Variants in TMEM182 observed in about 807,000 individuals in gnomAD.
TMEM182 encodes transmembrane protein 182.
TMEM182 carries 20 observed loss-of-function variants against 26.8 expected under a neutral mutation model. The ratio of observed to expected loss-of-function variants is 0.75; its 90% confidence interval spans 0.53 to 1.09. The LOEUF (loss-of-function observed/expected upper bound fraction) is 1.09, where lower values mean the gene tolerates loss of function less well. Among genes scored for constraint, TMEM182 ranks in the 50% least tolerant of loss-of-function variants. TMEM182 has a pLI of 0.00. For missense variants in TMEM182, 277 were observed against 275.5 expected (o/e 1.01, Z -0.04); for synonymous variants, 109 against 102.2 (o/e 1.07, Z -0.40).
chr2:102,792,249 T>C (rs1447761953), intron 3 of TMEM182, among the ~76,000 whole-genome samples: 1 of 152,130 alleles, frequency 6.6e-6, no homozygotes, highest in Non-Finnish European at 1.5e-5. Context: ...GACCATTTTA[T>C]TACAAGGTGT....
At chr2:102,757,982 C>T (rs1312100111), upstream of TMEM182, among the ~76,000 whole-genome samples, 1 of 152,166 alleles carries the variant, frequency 6.6e-6, no homozygotes, top group Non-Finnish European at 1.5e-5. Context: ...GGAAATCCAT[C>T]CCCATAATCC....
chr2:102,780,794 G>A (rs183678198), intron 3 of TMEM182, among the ~76,000 whole-genome samples: 149 of 152,110 alleles, frequency 9.8e-4, no homozygotes, highest in Non-Finnish European at 1.8e-3. Context: ...TGCTTGTAGC[G>A]GTGGGACTGC....
intron 4 of TMEM182, among the ~76,000 whole-genome samples, chr2:102,808,796 T>G (rs1175486594): frequency 6.6e-6 from 1 of 152,178 alleles, no homozygotes; most frequent in Non-Finnish European, 1.5e-5. Flanking sequence ...GAATGCATTC[T>G]CAGGCATTAT....
At chr2:102,841,625 A>G (rs1367620480) in intron 3 of TMEM182, among the ~76,000 whole-genome samples, 1 of 152,226 alleles carries the variant, frequency 6.6e-6, no homozygotes, top group Non-Finnish European at 1.5e-5. Context: ...CTTTGAACTA[A>G]GTTCACCAGA....
At chr2:102,827,549 T>C (rs1455545594) in intron 3 of TMEM182, among the ~76,000 whole-genome samples, 2 of 152,200 alleles carry the variant, frequency 1.3e-5, no homozygotes, top group Non-Finnish European at 2.9e-5. Context: ...TGCTGTCTTC[T>C]CCTTTCTTTC....
intron 3 of TMEM182, among the ~76,000 whole-genome samples, chr2:102,764,959 A>G (rs1680368019): frequency 2.0e-5 from 3 of 152,036 alleles, no homozygotes; most frequent in South Asian, 2.1e-4. Context: ...TTAACTTAAA[A>G]TCACATTAAG....
intron 3 of TMEM182, among the ~76,000 whole-genome samples, chr2:102,767,646 C>T (rs192550880): frequency 4.6e-5 from 7 of 152,190 alleles, no homozygotes; most frequent in Admixed American, 1.3e-4. Flanking sequence ...TTTATTTGAG[C>T]TCTCCAAAGC....
intron 3 of TMEM182, among the ~76,000 whole-genome samples, chr2:102,766,217 T>G (rs1417747459): frequency 6.6e-6 from 1 of 152,156 alleles, no homozygotes; most frequent in Non-Finnish European, 1.5e-5. Context: ...GTGGAGAACT[T>G]GAAAAACAAA....
intron 3 of TMEM182, among the ~76,000 whole-genome samples, chr2:102,770,786 C>A (rs1056968177): frequency 3.9e-5 from 6 of 152,284 alleles, no homozygotes; most frequent in Admixed American, 2.6e-4. Context: ...GGTACAGAGT[C>A]CTTATAAAAA....
At position 102,779,352 on chromosome 2, in the gene TMEM182, T is replaced by C. The variant is rs1477469848; in HGVS notation, c.331+14925T>C. On this transcript the variant is annotated intron_variant, in intron 3 of 4. Transcript: ENST00000412401. ...GACTTTGCTTAGCTCCTCAATACTT[T>C]AGATTTATGTCTTTTGATGACTTTG... 3.3e-5 allele frequency among the ~76,000 whole-genome samples: 5 copies of C among 152,208 alleles called. No individual in the cohort carries two copies. In the East Asian group the frequency reaches 5.8e-4, roughly 18 times the overall value.
At chr2:102,781,142 A>G (rs1243568707) in intron 3 of TMEM182, among the ~76,000 whole-genome samples, 2 of 152,204 alleles carry the variant, frequency 1.3e-5, no homozygotes, top group Non-Finnish European at 2.9e-5. Flanking sequence ...AATAGGGTCA[A>G]GTGTGTCTAC....
chr2:102,822,901 G>T lies in TMEM182; in HGVS notation c.326-20511G>T, dbSNP rs187644885. Among the ~76,000 whole-genome samples the T allele has an allele frequency of 1.6e-3, 236 of 148,932 alleles. 1 individual carries two copies. Among genetic ancestry groups the T allele is most frequent in the African/African-American group, 5.9e-3 (227 of 38,558 alleles). ...TTGACAAAAGAAGAAGAAGAAAGAA[G>T]AAAGAAAGAAGAAAGAAGAAGAACC... On this transcript the variant is annotated intron_variant, in intron 3 of 3. Coordinates refer to the TMEM182 transcript ENST00000486293.
In TMEM182 at chr2:102,800,797, TTGTGTGTGTG is replaced by T. The variant is rs71378190; in HGVS notation, c.469+2833_469+2842del. On this transcript the variant is annotated intron_variant, in intron 4 of 4. Transcript: ENST00000412401. ...GGTTTTCGTTCTGGTTTTGGACAGTTTGTGTGTGTGTGTGTGTGTGTGTGTGTGTGTGTGT... is the reference window on the plus strand; with the variant it reads ...GGTTTTCGTTCTGGTTTTGGACAGTTTGTGTGTGTGTGTGTGTGTGTGTGT... Among the ~76,000 whole-genome samples the T allele has an allele frequency of 7.3e-3, 1,011 of 137,846 alleles. 7 individuals carry two copies. Among genetic ancestry groups the T allele is most frequent in the African/African-American group, 0.018 (672 of 37,140 alleles). The allele number at this position is 137,846 out of a possible 152,430, so 90.4% of individuals were successfully genotyped here.
intron 1 of TMEM182, among the ~76,000 whole-genome samples, chr2:102,754,545 T>G (rs1051378464): frequency 3.9e-5 from 6 of 152,256 alleles, no homozygotes; most frequent in African/African-American, 1.4e-4. Flanking sequence ...CCATTCCAGT[T>G]TTCTAGAACA....
chr2:102,796,403 T>C (rs1681869798), intron 3 of TMEM182, among the ~76,000 whole-genome samples: 1 of 152,216 alleles, frequency 6.6e-6, no homozygotes, highest in African/African-American at 2.4e-5. Flanking sequence ...TTGTTGTTAA[T>C]GATTATACCC....
chr2:102,833,831 C>T (rs1288790891), intron 3 of TMEM182, among the ~76,000 whole-genome samples: 4 of 152,174 alleles, frequency 2.6e-5, no homozygotes, highest in Non-Finnish European at 4.4e-5. Context: ...TAGATTGGAG[C>T]CATACATTTT....
intron 1 of TMEM182, 64 bp from the exon 2 acceptor site, chr2:102,762,523 G>T (rs754254177): frequency 6.2e-5 from 97 of 1,560,458 alleles, no homozygotes; most frequent in Non-Finnish European, 8.0e-5. Context: ...AAATTTACTG[G>T]CTGTAATGAT....
At chr2:102,751,829 G>A (rs1679884720) in intron 1 of TMEM182, among the ~76,000 whole-genome samples, 1 of 152,044 alleles carries the variant, frequency 6.6e-6, no homozygotes, top group Non-Finnish European at 1.5e-5. Flanking sequence ...ACCATGCCTG[G>A]CTAGTTTTTA....
Position 102,797,057 on chromosome 2 carries a change from G to A in TMEM182, c.332-806G>A, listed in dbSNP as rs142614154. On this transcript the variant is annotated intron_variant, in intron 3 of 4. Coordinates refer to ENST00000412401, the MANE Select transcript of TMEM182 (RefSeq NM_144632.5). ...GTAATTATCCAACTCAAAAATGATC[G>A]TTAGAATTCCTTTTTGTTTGATTAC... is the stretch of plus-strand genomic sequence containing the variant. Among the ~76,000 whole-genome samples, 11 of 152,194 alleles carry A rather than the reference G, an allele frequency of 7.2e-5. No individual in the cohort carries two copies. The East Asian group carries it at 9.6e-4, about 13-fold the overall frequency.
Sources: allele counts gnomAD v4.1 joint callset (sites outside exome capture counted in the v4.1 genomes callset), GRCh38; gene constraint gnomAD v4.1.1; transcripts MANE v1.5; gene names NCBI Gene and HGNC (gene_info 2026-07-23, HGNC 2026-07-21).